Variants in TMEM170A observed in about 807,000 individuals in gnomAD.
The protein encoded by TMEM170A is transmembrane protein 170.
A neutral mutation model predicts 12.8 loss-of-function variants in TMEM170A; 18 were observed. The ratio of observed to expected loss-of-function variants is 1.41; its 90% confidence interval spans 0.97 to 2.09. The LOEUF (loss-of-function observed/expected upper bound fraction) is 2.09, where lower values mean the gene tolerates loss of function less well. Among genes scored for constraint, TMEM170A ranks in the 30% most tolerant of loss-of-function variants. The probability of loss-of-function intolerance (pLI) is 0.00; values close to 1 mark genes in which losing one functional copy is unlikely to be tolerated. For synonymous variants in TMEM170A, 107 were observed against 76.2 expected (o/e 1.40, Z -2.11); for missense variants, 220 against 179.9 (o/e 1.22, Z -1.28).
chr16:75,450,377 T>C (rs1348786136), intron 2 of TMEM170A, among the ~76,000 whole-genome samples: 1 of 152,118 alleles, frequency 6.6e-6, no homozygotes, highest in Non-Finnish European at 1.5e-5. Flanking sequence ...TGGCTATTAT[T>C]TAGGGATGAG....
At chr16:75,463,260 A>AT (rs1410265696) in intron 1 of TMEM170A, among the ~76,000 whole-genome samples, 1 of 151,974 alleles carries the variant, frequency 6.6e-6, no homozygotes. Flanking sequence ...CGAACATTTC[A>AT]TGTATCACAC....
At position 75,445,012 on chromosome 16, in the gene TMEM170A, G is replaced by A. The variant is rs1018827759; in HGVS notation, c.*2546C>T. On this transcript the variant is annotated 3_prime_UTR_variant, in exon 3 of 3. Coordinates refer to ENST00000561878, the MANE Select transcript of TMEM170A (RefSeq NM_145254.3). ...GTGTATGAAATTACATCCAAAGAATGCTTTAGGCAAGAACTCCTTCAAAAG... is the reference window on the plus strand; with the variant it reads ...GTGTATGAAATTACATCCAAAGAATACTTTAGGCAAGAACTCCTTCAAAAG... 4.0e-5 allele frequency: 6 copies of A among 151,816 alleles called. No homozygotes were observed. Among genetic ancestry groups the A allele is most frequent in the Admixed American group, 6.6e-5 (1 of 15,220 alleles). 9.4% of individuals were successfully genotyped at this position (151,816 alleles called of 1,614,324 possible). A position where few individuals can be genotyped will look rare whatever the true frequency, so the allele number is the denominator to read the frequency against.
At chr16:75,454,313 C>A (rs894696774) in intron 1 of TMEM170A, among the ~76,000 whole-genome samples, 4 of 152,126 alleles carry the variant, frequency 2.6e-5, no homozygotes, top group African/African-American at 7.2e-5. Context: ...TACCAAAGCA[C>A]AGAGGCTTTA....
Position 75,464,630 on chromosome 16 carries a change from G to T in TMEM170A, c.-30C>A. On this transcript the variant is annotated 5_prime_UTR_variant, in exon 1 of 3. Transcript: ENST00000561878. Reference sequence around the variant, plus strand: ...TCGCCATTCACCACAGAGAAATGAGGGACGAGCGCCCGAAGTGCGGTAGCG... The same window carrying T: ...TCGCCATTCACCACAGAGAAATGAGTGACGAGCGCCCGAAGTGCGGTAGCG... 1 of 1,560,626 alleles carries T rather than the reference G, an allele frequency of 6.4e-7. No individual in the cohort carries two copies.
Position 75,445,199 on chromosome 16 carries a change from A to C in TMEM170A, c.*2359T>G, listed in dbSNP as rs1234822700. On this transcript the variant is annotated 3_prime_UTR_variant, in exon 3 of 3. Coordinates refer to ENST00000561878, the MANE Select transcript of TMEM170A (RefSeq NM_145254.3). The stretch of plus-strand genomic sequence containing the variant: ...TTTTTACAATTTGCCTGTGAGAAAG[A>C]TTTGAGCTTCTTGTTAGGGAATTTG... 6.6e-6 allele frequency: 1 copy of C among 152,374 alleles called. No homozygotes were observed. The highest frequency in any genetic ancestry group is 1.9e-4 in the East Asian group (1 of 5,192). 9.4% of individuals were successfully genotyped at this position (152,374 alleles called of 1,614,324 possible).
intron 1 of TMEM170A, among the ~76,000 whole-genome samples, chr16:75,452,991 G>A (rs1421952051): frequency 6.6e-6 from 1 of 152,020 alleles, no homozygotes; most frequent in East Asian, 1.9e-4. Context: ...CAGCTTCAAG[G>A]GCAAAGCTGA....
At chr16:75,453,715 G>T (rs1292619951) in intron 1 of TMEM170A, among the ~76,000 whole-genome samples, 2 of 152,216 alleles carry the variant, frequency 1.3e-5, no homozygotes, top group Non-Finnish European at 2.9e-5. Flanking sequence ...TTGGCTTGAA[G>T]ACAAATGGCA....
In TMEM170A at chr16:75,464,503, A is replaced by G. The variant is rs750800118; in HGVS notation, c.98T>C (p.Leu33Pro). The G allele has an allele frequency of 1.9e-6, 3 of 1,580,660 alleles. No homozygotes were observed. The highest frequency in any genetic ancestry group is 2.5e-5 in the East Asian group (1 of 40,474). ...KVVPRVGNGT[L>P]CPNSTSLCSF... ...GCAGAGGGAAGTAGAGTTGGGGCACAGGGTCCCGTTGCCCACCCGCGGCAC... is the reference window on the plus strand; with the variant it reads ...GCAGAGGGAAGTAGAGTTGGGGCACGGGGTCCCGTTGCCCACCCGCGGCAC... Residue 33 changes from leucine (L) to proline (P), a missense_variant, in exon 1 of 3, where the codon CTG becomes CCG. Leu to Pro is a moderately conservative substitution (Grantham distance 98). Transcript: ENST00000561878.
At chr16:75,457,260 G>T (rs1421293336) in intron 1 of TMEM170A, among the ~76,000 whole-genome samples, 1 of 152,194 alleles carries the variant, frequency 6.6e-6, no homozygotes, top group Non-Finnish European at 1.5e-5. Context: ...CCTTGAACTG[G>T]GAGGCAAAGC....
intron 1 of TMEM170A, among the ~76,000 whole-genome samples, chr16:75,463,786 AG>A (rs1275782972): frequency 6.6e-6 from 1 of 152,152 alleles, no homozygotes; most frequent in African/African-American, 2.4e-5. Context: ...TCCTGGCATT[AG>A]AATTCTGAGC....
At chr16:75,463,388 G>C (rs1195884279) in intron 1 of TMEM170A, among the ~76,000 whole-genome samples, 1 of 151,904 alleles carries the variant, frequency 6.6e-6, no homozygotes, top group Non-Finnish European at 1.5e-5. Flanking sequence ...GCGAACATCT[G>C]CATCTGACCC....
At chr16:75,453,032 A>G (rs1006490067) in intron 1 of TMEM170A, among the ~76,000 whole-genome samples, 1 of 152,190 alleles carries the variant, frequency 6.6e-6, no homozygotes, top group African/African-American at 2.4e-5. Context: ...TGACCCATAA[A>G]GCCTAACATA....
At chr16:75,459,681 AC>A (rs1203319314) in intron 1 of TMEM170A, among the ~76,000 whole-genome samples, 1 of 151,876 alleles carries the variant, frequency 6.6e-6, no homozygotes, top group Non-Finnish European at 1.5e-5. Flanking sequence ...ACACAGTGAA[AC>A]CCCATCTCTA....
Position 75,464,487 on chromosome 16 carries a change from A to G in TMEM170A, c.114T>C (p.Thr38=). Residue 38 remains threonine, a synonymous_variant, in exon 1 of 3, where the codon ACT becomes ACC. Transcript: ENST00000561878. The part of the protein sequence containing the change: ...VGNGTLCPNS[T]SLCSFPEMWY... ...CCGTACCTGGGAAGGAGCAGAGGGA[A>G]GTAGAGTTGGGGCACAGGGTCCCGT... The G allele has an allele frequency of 3.8e-6, 6 of 1,566,532 alleles. No individual in the cohort carries two copies. The highest frequency in any genetic ancestry group is 1.7e-4 in the Middle Eastern group (1 of 5,864).
chr16:75,460,828 T>G (rs996947423), intron 1 of TMEM170A, among the ~76,000 whole-genome samples: 3 of 152,204 alleles, frequency 2.0e-5, no homozygotes, highest in Non-Finnish European at 4.4e-5. Context: ...CTGGTCCAAG[T>G]GTGACCAGTC....
intron 2 of TMEM170A, among the ~76,000 whole-genome samples, chr16:75,449,841 G>A (rs936990889): frequency 2.0e-5 from 3 of 152,126 alleles, no homozygotes; most frequent in African/African-American, 4.8e-5. Context: ...GAAGCTTAAG[G>A]AACTTGAACT....
chr16:75,447,430 G>T lies in TMEM170A; in HGVS notation c.*128C>A. ...AATGAAGAAAAGGCTGAGATGTGTT[G>T]TCCTTCATGTTCCTGTTCATCCAAG... On this transcript the variant is annotated 3_prime_UTR_variant, in exon 3 of 3. Transcript: ENST00000561878. 3 of 1,036,910 alleles carry T rather than the reference G, an allele frequency of 2.9e-6. No individual in the cohort carries two copies. The highest frequency in any genetic ancestry group is 3.9e-6 in the Non-Finnish European group (3 of 761,084). The allele number at this position is 1,036,910 out of a possible 1,614,324, so 64.2% of individuals were successfully genotyped here. A position where few individuals can be genotyped will look rare whatever the true frequency, so the allele number is the denominator to read the frequency against.
At chr16:75,450,221 G>A (rs868431327) in intron 2 of TMEM170A, among the ~76,000 whole-genome samples, 4 of 150,506 alleles carry the variant, frequency 2.7e-5, no homozygotes, top group South Asian at 2.1e-4. Flanking sequence ...AAGACATAGA[G>A]GGCGATTTCT....
intron 1 of TMEM170A, chr16:75,458,703 G>A (rs1450132556): frequency 6.6e-6 from 1 of 152,158 alleles, no homozygotes; most frequent in African/African-American, 2.4e-5. Context: ...ATGGCTTTAA[G>A]CTGCTAAATT....
Sources: allele counts gnomAD v4.1 joint callset (sites outside exome capture counted in the v4.1 genomes callset), GRCh38; gene constraint gnomAD v4.1.1; transcripts MANE v1.5; gene names NCBI Gene and HGNC (gene_info 2026-07-23, HGNC 2026-07-21).